ANKFN1: variants seen among roughly 807,000 people sequenced by gnomAD.
ANKFN1 encodes the protein ankyrin repeat and fibronectin type-III domain-containing protein 1.
ANKFN1 carries 74 observed loss-of-function variants against 108.7 expected under a neutral mutation model. The ratio of observed to expected loss-of-function variants is 0.68; its 90% CI spans 0.56 to 0.83. The LOEUF is 0.83. ANKFN1 is among the 40% of genes least tolerant of loss of function. ANKFN1 has a pLI of 0.00. For missense variants in ANKFN1, 1,505 were observed against 1,382.3 expected, an observed-to-expected ratio of 1.09 and a Z score of -1.41; for synonymous variants, 547 against 516.2, an observed-to-expected ratio of 1.06 and a Z score of -0.81.
intron 4 of ANKFN1, among the ~76,000 whole-genome samples, chr17:56,099,770 A>G (rs1260244756): frequency 6.6e-6 from 1 of 152,192 alleles, no homozygotes; most frequent in African/African-American, 2.4e-5. Flanking sequence ...GCATGGCCGG[A>G]GGGTAGGGTA....
At chr17:56,068,775 G>A (rs1040787358) in intron 4 of ANKFN1, among the ~76,000 whole-genome samples, 2 of 152,172 alleles carry the variant, frequency 1.3e-5, no homozygotes, top group African/African-American at 4.8e-5. Context: ...TTCTTTGAAG[G>A]TCACACTCCT....
intron 8 of ANKFN1, among the ~76,000 whole-genome samples, chr17:56,422,523 C>G (rs1320779784): frequency 6.6e-6 from 1 of 152,046 alleles, no homozygotes; most frequent in Non-Finnish European, 1.5e-5. Flanking sequence ...GCACACACTT[C>G]AACTACTTCT....
At chr17:56,395,672 A>T (rs1598521500) in intron 8 of ANKFN1, among the ~76,000 whole-genome samples, 2 of 152,280 alleles carry the variant, frequency 1.3e-5, no homozygotes, top group African/African-American at 4.8e-5. Context: ...AACACGGAGA[A>T]ACCCCACCTC....
intron 3 of ANKFN1, among the ~76,000 whole-genome samples, chr17:56,259,933 C>CAT (rs1378143481): frequency 6.6e-6 from 1 of 151,814 alleles, no homozygotes; most frequent in Non-Finnish European, 1.5e-5. Flanking sequence ...CACACACACA[C>CAT]ACACACACAC....
chr17:56,329,787 A>G (rs143006570), intron 4 of ANKFN1, among the ~76,000 whole-genome samples: 3,632 of 152,306 alleles, frequency 0.024, 68 homozygotes, highest in South Asian at 0.036. Flanking sequence ...AGGTGGTGGT[A>G]TTAGGAACTG....
chr17:56,125,282 G>A (rs950321973), intron 4 of ANKFN1, among the ~76,000 whole-genome samples: 1 of 152,182 alleles, frequency 6.6e-6, no homozygotes, highest in African/African-American at 2.4e-5. Flanking sequence ...CCAGCAATAT[G>A]CTTTGCACAT....
intron 3 of ANKFN1, among the ~76,000 whole-genome samples, chr17:56,277,956 C>T (rs1172192877): frequency 6.6e-6 from 1 of 152,144 alleles, no homozygotes; most frequent in East Asian, 1.9e-4. Flanking sequence ...AAGATCAAGA[C>T]ATGATACACA....
At chr17:56,363,504 C>T (rs1473891551) in intron 6 of ANKFN1, among the ~76,000 whole-genome samples, 1 of 152,136 alleles carries the variant, frequency 6.6e-6, no homozygotes, top group Non-Finnish European at 1.5e-5. Context: ...ATTATGAAAA[C>T]TAAGTGGAGT....
At chr17:56,286,324 A>G (rs1222200083) in intron 3 of ANKFN1, among the ~76,000 whole-genome samples, 1 of 152,204 alleles carries the variant, frequency 6.6e-6, no homozygotes, top group Non-Finnish European at 1.5e-5. Context: ...TAGTGATTTA[A>G]AACAACAATA....
At chr17:56,135,511 C>T (rs1907544661) in intron 4 of ANKFN1, among the ~76,000 whole-genome samples, 1 of 152,114 alleles carries the variant, frequency 6.6e-6, no homozygotes, top group Non-Finnish European at 1.5e-5. Flanking sequence ...GTCTCAGTAG[C>T]AGCTGCTGAG....
chr17:56,119,883 G>C (rs1420152330), intron 4 of ANKFN1, among the ~76,000 whole-genome samples: 1 of 152,118 alleles, frequency 6.6e-6, no homozygotes. Flanking sequence ...CATATGAAAA[G>C]TCATTATTAT....
At chr17:56,056,101 T>A (rs1904872898) in intron 4 of ANKFN1, among the ~76,000 whole-genome samples, 1 of 152,080 alleles carries the variant, frequency 6.6e-6, no homozygotes, top group Admixed American at 6.6e-5. Context: ...TTGTTTGAGT[T>A]CCTTGTAGAT....
chr17:56,235,131 G>A lies in ANKFN1; in HGVS notation c.53+7174G>A, dbSNP rs913324298. Among the ~76,000 whole-genome samples the A allele has an allele frequency of 5.9e-5, 9 of 152,104 alleles. No individual in the cohort carries two copies. In the East Asian group the frequency reaches 7.7e-4, roughly 13 times the overall value. On this transcript the variant is annotated intron_variant, in intron 3 of 20. Transcript: ENST00000682825. ...ATATTTGACTTTTTTTCATATGCCTGTCAGCCACATGTATGTCTTCTTTTG... is the reference window on the plus strand; with the variant it reads ...ATATTTGACTTTTTTTCATATGCCTATCAGCCACATGTATGTCTTCTTTTG...
At chr17:56,194,412 G>A (rs752298305) in intron 1 of ANKFN1, among the ~76,000 whole-genome samples, 3 of 152,036 alleles carry the variant, frequency 2.0e-5, no homozygotes, top group Non-Finnish European at 4.4e-5. Context: ...TCAGGCAATG[G>A]GGTATTATTT....
At chr17:56,356,041 A>T (rs905611162) in intron 6 of ANKFN1, among the ~76,000 whole-genome samples, 12 of 152,112 alleles carry the variant, frequency 7.9e-5, no homozygotes, top group African/African-American at 2.9e-4. Flanking sequence ...ACAGAATTAT[A>T]TAATATATGG....
intron 8 of ANKFN1, among the ~76,000 whole-genome samples, chr17:56,392,707 A>T (rs887611852): frequency 2.0e-5 from 3 of 152,146 alleles, no homozygotes; most frequent in African/African-American, 4.8e-5. Context: ...TGTTGAGATG[A>T]TTTACAGTCT....
chr17:56,177,556 G>C (rs1911286703), intron 1 of ANKFN1, among the ~76,000 whole-genome samples: 1 of 152,158 alleles, frequency 6.6e-6, no homozygotes. Flanking sequence ...TTTGGCTGAT[G>C]CTCAAGCCCA....
At chr17:56,268,424 TA>T (rs2043710221) in intron 3 of ANKFN1, among the ~76,000 whole-genome samples, 1 of 152,156 alleles carries the variant, frequency 6.6e-6, no homozygotes, top group Admixed American at 6.5e-5. Flanking sequence ...GAGATACAGC[TA>T]AAGCAGTTTT....
chr17:56,411,234 C>T (rs565878009), intron 8 of ANKFN1, among the ~76,000 whole-genome samples: 2 of 152,238 alleles, frequency 1.3e-5, no homozygotes, highest in African/African-American at 4.8e-5. Flanking sequence ...AGATTTACTG[C>T]TACATATTTT....
Sources: gnomAD v4.1 joint callset for allele counts (sites outside exome capture counted in the v4.1 genomes callset) on GRCh38, gnomAD v4.1.1 for gene constraint, MANE v1.5 for transcripts, NCBI Gene and HGNC (gene_info 2026-07-23, HGNC 2026-07-21) for gene names.